Variants in JPH1 observed in about 807,000 individuals in gnomAD.
JPH1 encodes junctophilin 1, also known as junctophilin-1.
Under a neutral mutation model 53.6 loss-of-function variants are expected in JPH1, and 12 were observed. The ratio of observed to expected loss-of-function variants is 0.22; its 90% CI spans 0.14 to 0.36. JPH1 has a LOEUF of 0.36. JPH1 is among the 10% of genes least tolerant of loss of function. The pLI is 1.00. For synonymous variants in JPH1, 375 were observed against 363.8 expected, an observed-to-expected ratio of 1.03 and a Z score of -0.35; for missense variants, 808 against 905.5, an observed-to-expected ratio of 0.89 and a Z score of 1.38.
rs1021574313 is a variant in JPH1, at chr8:74,315,735, A to T, written c.380-115T>A. 8.7e-6 allele frequency: 9 copies of T among 1,033,938 alleles called. No homozygotes were observed. The highest frequency in any genetic ancestry group is 1.1e-5 in the Non-Finnish European group (8 of 747,332). The allele number at this position is 1,033,938 out of a possible 1,614,324, so 64.0% of individuals were successfully genotyped here. A position where few individuals can be genotyped will look rare whatever the true frequency, so the allele number is the denominator to read the frequency against. ...CAAGGTCAAATCTGACCCATTTCCAAGTCAACCCTGGGGGATACTTTGCAT... is the reference window on the plus strand; with the variant it reads ...CAAGGTCAAATCTGACCCATTTCCATGTCAACCCTGGGGGATACTTTGCAT... On this transcript the variant is annotated intron_variant, in intron 1 of 5. Transcript: ENST00000342232. This position sits in a 1 kb window ranked among gnomAD's most constrained non-coding sequence, Gnocchi z 6.3.
At chr8:74,292,134 C>T (rs532684605) in intron 2 of JPH1, among the ~76,000 whole-genome samples, 16 of 152,132 alleles carry the variant, frequency 1.1e-4, no homozygotes, top group Non-Finnish European at 2.1e-4. Flanking sequence ...TGTAACAAAC[C>T]TGCACGTTGT....
At chr8:74,314,825 C>T in intron 2 of JPH1, 36 bp downstream of exon 2, 1 of 1,611,320 alleles carries the variant, frequency 6.2e-7, no homozygotes, top group South Asian at 1.1e-5. Context: ...TTGTTCTGAC[C>T]AACCCAGCAA....
intron 2 of JPH1, among the ~76,000 whole-genome samples, chr8:74,260,074 G>A (rs1806347559): frequency 6.6e-6 from 1 of 152,202 alleles, no homozygotes; most frequent in East Asian, 1.9e-4. Context: ...ATGTGCAGTG[G>A]GGAGATGTGC....
At chr8:74,270,918 G>T (rs185521544) in intron 2 of JPH1, among the ~76,000 whole-genome samples, 7 of 152,064 alleles carry the variant, frequency 4.6e-5, no homozygotes, top group African/African-American at 1.7e-4. Context: ...GGGATGCCAC[G>T]GCTGTTGGTG....
chr8:74,268,351 C>T (rs1175572566), intron 2 of JPH1, among the ~76,000 whole-genome samples: 1 of 152,020 alleles, frequency 6.6e-6, no homozygotes, highest in African/African-American at 2.4e-5. Context: ...GCTGTCTCTT[C>T]TGGGAGAAAA....
In JPH1 at chr8:74,244,852, G is replaced by A; in HGVS notation, c.1582C>T (p.Pro528Ser). The change falls in exon 4 of 6, where the codon CCC (proline) becomes TCC (serine). Residue 528 changes from proline to serine, a missense_variant. Physicochemically the swap from Pro to Ser is moderately conservative, Grantham distance 74. Coordinates refer to ENST00000342232, the MANE Select transcript of JPH1 (RefSeq NM_020647.4). The part of the protein sequence containing the change: ...APTKEAGAVV[P>S]QSKYSGRHHI... ...TGGCGGCCAGAGTACTTGGACTGGGGCACAACCGCTCCTGCCTCCTTCGTG... is the reference window on the plus strand; with the variant it reads ...TGGCGGCCAGAGTACTTGGACTGGGACACAACCGCTCCTGCCTCCTTCGTG... 2 of 1,614,166 alleles carry A rather than the reference G, an allele frequency of 1.2e-6. No homozygotes were observed. The highest frequency in any genetic ancestry group is 1.7e-6 in the Non-Finnish European group (2 of 1,180,016).
intron 2 of JPH1, among the ~76,000 whole-genome samples, chr8:74,304,033 C>T (rs1807761913): frequency 1.3e-5 from 2 of 152,298 alleles, no homozygotes; most frequent in South Asian, 4.1e-4. Context: ...CCACCTCTAT[C>T]TTCTGGAAAA....
At chr8:74,294,741 C>G (rs954549948) in intron 2 of JPH1, among the ~76,000 whole-genome samples, 3 of 152,204 alleles carry the variant, frequency 2.0e-5, no homozygotes, top group Admixed American at 6.5e-5. Context: ...TTACACAGAG[C>G]AGGCATTTGG....
chr8:74,239,077 T>C (rs1805621413), intron 4 of JPH1, among the ~76,000 whole-genome samples: 1 of 152,204 alleles, frequency 6.6e-6, no homozygotes, highest in African/African-American at 2.4e-5. Flanking sequence ...AAGTGGGGAC[T>C]ATTAGGCAGA....
At position 74,276,240 on chromosome 8, in the gene JPH1, C is replaced by T. The variant is rs1267059937; in HGVS notation, c.1140-16737G>A. ...GGTCAAGGTTTTTAGGTAAAAGAGT[C>T]GTGACAGATGGAACAGGTCCCAGAT... On this transcript the variant is annotated intron_variant, in intron 2 of 5. Transcript: ENST00000342232. Among the ~76,000 whole-genome samples the T allele has an allele frequency of 3.9e-5, 6 of 152,058 alleles. No individual in the cohort carries two copies. The South Asian group carries it at 8.3e-4, about 21-fold the overall frequency.
At chr8:74,310,465 T>C (rs1042442555) in intron 2 of JPH1, among the ~76,000 whole-genome samples, 3 of 152,178 alleles carry the variant, frequency 2.0e-5, no homozygotes, top group African/African-American at 7.2e-5. Context: ...GTATCCCTTA[T>C]GGTCTTGACG....
intron 2 of JPH1, among the ~76,000 whole-genome samples, chr8:74,289,634 C>T (rs1261581183): frequency 2.6e-5 from 4 of 152,202 alleles, no homozygotes; most frequent in African/African-American, 9.6e-5. Flanking sequence ...ACTCCCCTTT[C>T]CCCATGACCT....
intron 2 of JPH1, among the ~76,000 whole-genome samples, chr8:74,314,475 G>A (rs181559673): frequency 6.6e-6 from 1 of 152,158 alleles, no homozygotes; most frequent in Non-Finnish European, 1.5e-5. Context: ...ATTTTCTTTT[G>A]GTACACAAAA....
chr8:74,271,328 C>T (rs537753418), intron 2 of JPH1, among the ~76,000 whole-genome samples: 4 of 152,296 alleles, frequency 2.6e-5, no homozygotes, highest in African/African-American at 7.2e-5. Context: ...GCTGCTTCGC[C>T]GCTATCTGAC....
At chr8:74,259,274 T>C (rs1251602170) in intron 3 of JPH1, 111 bp downstream of exon 3, 8 of 822,986 alleles carry the variant, frequency 9.7e-6, no homozygotes, top group Non-Finnish European at 1.6e-5. Flanking sequence ...TTTTGTATAA[T>C]AGTACTGCTG....
chr8:74,280,294 A>G (rs926927992), intron 2 of JPH1, among the ~76,000 whole-genome samples: 12 of 152,180 alleles, frequency 7.9e-5, no homozygotes, highest in African/African-American at 2.7e-4. Context: ...AAGTACAAAT[A>G]TCCCTAATGG....
At chr8:74,318,071 G>A (rs989953923) in intron 1 of JPH1, among the ~76,000 whole-genome samples, 1 of 152,140 alleles carries the variant, frequency 6.6e-6, no homozygotes, top group Non-Finnish European at 1.5e-5. Context: ...CAGTTCATCT[G>A]AAATTTAAAA....
At chr8:74,243,590 C>T (rs1002648992) in intron 4 of JPH1, among the ~76,000 whole-genome samples, 1 of 152,096 alleles carries the variant, frequency 6.6e-6, no homozygotes, top group African/African-American at 2.4e-5. Context: ...AGATATTAAT[C>T]CACACCATTA....
At chr8:74,279,692 T>C (rs1056454119) in intron 2 of JPH1, among the ~76,000 whole-genome samples, 2 of 152,220 alleles carry the variant, frequency 1.3e-5, no homozygotes, top group East Asian at 1.9e-4. Context: ...ATCTAACATA[T>C]TCTCTCCCCT....
Sources: allele counts gnomAD v4.1 joint callset (sites outside exome capture counted in the v4.1 genomes callset), GRCh38; gene constraint gnomAD v4.1.1; non-coding constraint Gnocchi (gnomAD v3.1); transcripts MANE v1.5; gene names NCBI Gene and HGNC (gene_info 2026-07-23, HGNC 2026-07-21).